SEC31A: variants seen among roughly 807,000 people sequenced by gnomAD.
SEC31A encodes the protein SEC31 homolog A, COPII component.
A neutral mutation model predicts 151.0 loss-of-function variants in SEC31A; 70 were observed. The observed-to-expected ratio is 0.46, with a 90% CI of 0.38 to 0.57. The LOEUF (loss-of-function observed/expected upper bound fraction) is 0.57. Among genes scored for constraint, SEC31A ranks in the 20% least tolerant of loss-of-function variants. The pLI, the probability that SEC31A is intolerant of heterozygous loss-of-function variation, is 0.00. For synonymous variants in SEC31A, 475 were observed against 505.9 expected (o/e 0.94, Z 0.82); for missense variants, 1,330 against 1,471.2 (o/e 0.90, Z 1.57).
intron 23 of SEC31A, among the ~76,000 whole-genome samples, chr4:82,828,591 T>C (rs1225389379): frequency 7.2e-6 from 1 of 137,998 alleles, no homozygotes; most frequent in Non-Finnish European, 1.5e-5. Context: ...GCTATTTCAT[T>C]CATACTATAC....
intron 22 of SEC31A, among the ~76,000 whole-genome samples, chr4:82,841,592 G>A (rs1322935295): frequency 6.7e-6 from 1 of 149,556 alleles, no homozygotes; most frequent in South Asian, 2.1e-4. Context: ...AGTGAGCCGA[G>A]ATCACGCCAC....
chr4:82,872,102 G>A lies in SEC31A; in HGVS notation c.640-16C>T. 1 of 1,596,714 alleles carries A rather than the reference G, an allele frequency of 6.3e-7. No individual in the cohort carries two copies. The highest frequency in any genetic ancestry group is 8.6e-7 in the Non-Finnish European group (1 of 1,164,900). On this transcript the variant is annotated splice_polypyrimidine_tract_variant and intron_variant, in intron 6 of 26. Coordinates refer to ENST00000395310, the MANE Select transcript of SEC31A (RefSeq NM_001077207.4). ...AACAATGCATCTGAAGATAGTTAAG[G>A]TTCACATTTTATGAATCAAATTACT...
chr4:82,863,108 T>G (rs866149761), intron 12 of SEC31A: 1 of 475,490 alleles, frequency 2.1e-6, no homozygotes, highest in African/African-American at 2.1e-5. Flanking sequence ...ACAAGTTACA[T>G]AGTCATTTAT....
At chr4:82,836,529 T>C in intron 22 of SEC31A, among the ~76,000 whole-genome samples, 1 of 152,096 alleles carries the variant, frequency 6.6e-6, no homozygotes, top group East Asian at 1.9e-4. Context: ...CAATGGAGTA[T>C]TACTCAGCCT....
chr4:82,853,539 A>C (rs776051256), intron 18 of SEC31A, 31 bp downstream of exon 18: 1 of 1,534,242 alleles, frequency 6.5e-7, no homozygotes, highest in Admixed American at 2.5e-5. Flanking sequence ...CAACACTAAA[A>C]ATTAAGTGCC....
At position 82,827,576 on chromosome 4, in the gene SEC31A, C is replaced by G; in HGVS notation, c.3084G>C (p.Leu1028Phe). 1 of 1,614,102 alleles carries G rather than the reference C, an allele frequency of 6.2e-7. No homozygotes were observed. Among genetic ancestry groups the G allele is most frequent in the Non-Finnish European group, 8.5e-7 (1 of 1,180,004 alleles). Residue 1028 changes from leucine to phenylalanine, a missense_variant, in exon 24 of 27, where the codon TTG becomes TTC. Leu to Phe is a conservative substitution (Grantham distance 22). Transcript: ENST00000395310. Reference sequence around the variant, plus strand: ...GCAGCATTTGTGACTGGGGGTCACCCAACGGGTTCATGATTGGTGATGTGA... The same window carrying G: ...GCAGCATTTGTGACTGGGGGTCACCGAACGGGTTCATGATTGGTGATGTGA... ...VPITSPIMNP[L>F]GDPQSQMLQQ... is the part of the protein sequence containing the mutation.
rs778134932 is a variant in SEC31A, at chr4:82,867,011, T to G, written c.1045-51A>C. 1.2e-5 allele frequency: 19 copies of G among 1,585,028 alleles called. No homozygotes were observed. The African/African-American group carries it at 2.5e-4, about 21-fold the overall frequency. On this transcript the variant is annotated intron_variant, in intron 9 of 26. Transcript: ENST00000395310. ...CATCCGACCATACACAAAGTTTCAT[T>G]TTTTTCCAGTCATATCCAAAAAAAT... is the stretch of plus-strand genomic sequence containing the variant.
chr4:82,900,226 A>G lies in SEC31A; in HGVS notation c.-173-3T>C, dbSNP rs2305877. The G allele has an allele frequency of 3.5e-3, 539 of 153,062 alleles. 14 individuals are homozygous for G. The highest frequency in any genetic ancestry group is 0.017 in the Admixed American group (260 of 15,318). The allele number at this position is 153,062 out of a possible 1,614,324, so 9.5% of individuals were successfully genotyped here. A position where few individuals can be genotyped will look rare whatever the true frequency, so the allele number is the denominator to read the frequency against. On this transcript the variant is annotated splice_polypyrimidine_tract_variant and splice_region_variant and intron_variant, in intron 1 of 28. Coordinates refer to the SEC31A transcript ENST00000355196. Reference sequence around the variant, plus strand: ...CCCATTATCTCCGCATCGGAGAGCTACAAGATAAAGCGCAAGAACACGACA... The same window carrying G: ...CCCATTATCTCCGCATCGGAGAGCTGCAAGATAAAGCGCAAGAACACGACA...
chr4:82,852,832 G>A (rs754829956), intron 18 of SEC31A, among the ~76,000 whole-genome samples: 20 of 152,302 alleles, frequency 1.3e-4, no homozygotes, highest in Non-Finnish European at 2.1e-4. Context: ...GACTGGTTTC[G>A]TGGAAGACAA....
chr4:82,870,913 T>C (rs1391847860), intron 7 of SEC31A, among the ~76,000 whole-genome samples: 1 of 152,078 alleles, frequency 6.6e-6, no homozygotes, highest in Non-Finnish European at 1.5e-5. Context: ...TGAGAAAATA[T>C]GTAGATAAAA....
At position 82,871,931 on chromosome 4, in the gene SEC31A, A is replaced by G; in HGVS notation, c.782+13T>C. The stretch of plus-strand genomic sequence containing the variant: ...ATAAACAAATCAAGTTCTTTGTAAC[A>G]GCAGCACGATACCTGGCATGGTTTT... On this transcript the variant is annotated intron_variant, in intron 7 of 26. Transcript: ENST00000395310. 6.2e-7 allele frequency: 1 copy of G among 1,614,152 alleles called. No homozygotes were observed.
chr4:82,872,606 T>C (rs1196000583), intron 6 of SEC31A, among the ~76,000 whole-genome samples: 1 of 152,266 alleles, frequency 6.6e-6, no homozygotes, highest in African/African-American at 2.4e-5. Flanking sequence ...TTCATGCAGC[T>C]ATTTGATACA....
chr4:82,858,932 A>C (rs1490950931), intron 14 of SEC31A, among the ~76,000 whole-genome samples: 1 of 151,914 alleles, frequency 6.6e-6, no homozygotes, highest in African/African-American at 2.4e-5. Flanking sequence ...CGATCTCCTG[A>C]CCTCATGATC....
intron 22 of SEC31A, among the ~76,000 whole-genome samples, chr4:82,837,019 A>G (rs1479973564): frequency 6.6e-6 from 1 of 151,664 alleles, no homozygotes; most frequent in Non-Finnish European, 1.5e-5. Flanking sequence ...CTGTATCAAA[A>G]TATCTCATGT....
intron 25 of SEC31A, chr4:82,821,594 C>T (rs1331998454): frequency 8.1e-6 from 1 of 123,710 alleles, no homozygotes; most frequent in Non-Finnish European, 1.7e-5. Context: ...ATTATTAGAA[C>T]AGAGATCAAT....
chr4:82,821,148 A>C, intron 25 of SEC31A, 40 bp from the exon 26 acceptor site: 2 of 1,496,246 alleles, frequency 1.3e-6, no homozygotes, highest in Non-Finnish European at 1.9e-6. Flanking sequence ...TTGAACATTA[A>C]CTTTTAACCT....
chr4:82,888,367 A>AC (rs1741319829), intron 1 of SEC31A, among the ~76,000 whole-genome samples: 1 of 6,094 alleles, frequency 1.6e-4, no homozygotes, highest in African/African-American at 1.0e-3. Flanking sequence ...AAAAAAAAAA[A>AC]AAAAAACACA....
intron 3 of SEC31A, among the ~76,000 whole-genome samples, chr4:82,879,634 C>A (rs1305304611): frequency 6.6e-6 from 1 of 152,160 alleles, no homozygotes; most frequent in African/African-American, 2.4e-5. Flanking sequence ...GGGTTCCCAT[C>A]CCACTGTGAC....
At chr4:82,856,312 G>A (rs1372550724) in intron 16 of SEC31A, among the ~76,000 whole-genome samples, 3 of 151,404 alleles carry the variant, frequency 2.0e-5, no homozygotes, top group East Asian at 2.0e-4. Context: ...CACCACATCC[G>A]GTTAATTTTT....
Sources: gnomAD v4.1 joint callset for allele counts (sites outside exome capture counted in the v4.1 genomes callset) on GRCh38, gnomAD v4.1.1 for gene constraint, MANE v1.5 for transcripts, NCBI Gene and HGNC (gene_info 2026-07-23, HGNC 2026-07-21) for gene names.